CAB39L: variants seen among roughly 807,000 people sequenced by gnomAD.
CAB39L encodes calcium-binding protein 39-like.
In CAB39L, 23 loss-of-function variants were observed where a neutral mutation model predicts 39.1. The ratio of observed to expected loss-of-function variants is 0.59; its 90% CI spans 0.42 to 0.83. The LOEUF (loss-of-function observed/expected upper bound fraction) is 0.83, where lower values mean the gene tolerates loss of function less well. CAB39L is among the 40% of genes least tolerant of loss of function. The pLI is 0.00. For synonymous variants in CAB39L, 126 were observed against 137.2 expected, an observed-to-expected ratio of 0.92 and a Z score of 0.57; for missense variants, 366 against 391.9, an observed-to-expected ratio of 0.93 and a Z score of 0.56.
At chr13:49,432,489 G>T (rs1200277037) in intron 3 of CAB39L, among the ~76,000 whole-genome samples, 1 of 152,062 alleles carries the variant, frequency 6.6e-6, no homozygotes, top group Non-Finnish European at 1.5e-5. Flanking sequence ...AATCTCTATA[G>T]ATCTCTTTCA....
chr13:49,378,571 C>T (rs1408253960), intron 4 of CAB39L, among the ~76,000 whole-genome samples: 15 of 71,350 alleles, frequency 2.1e-4, no homozygotes, highest in Admixed American at 3.2e-4. Flanking sequence ...CCAGCCGCCC[C>T]GTCCGGGAGG....
chr13:49,341,840 A>T (rs1955017945), intron 8 of CAB39L, among the ~76,000 whole-genome samples: 1 of 152,172 alleles, frequency 6.6e-6, no homozygotes, highest in Non-Finnish European at 1.5e-5. Context: ...TATCTGATGT[A>T]CCCCATAAAC....
At chr13:49,407,362 T>C (rs1956901925) in intron 3 of CAB39L, among the ~76,000 whole-genome samples, 1 of 152,334 alleles carries the variant, frequency 6.6e-6, no homozygotes, top group African/African-American at 2.4e-5. Flanking sequence ...TTTGAATCCA[T>C]CTTGGCATAC....
intron 5 of CAB39L, among the ~76,000 whole-genome samples, chr13:49,360,923 T>C (rs1308070299): frequency 6.6e-6 from 1 of 152,192 alleles, no homozygotes; most frequent in Non-Finnish European, 1.5e-5. Context: ...ATTAAACCCC[T>C]TTCCTTTTTA....
rs191565572 is a variant in CAB39L, at chr13:49,409,350, G to A, written c.-32+23968C>T. Reference sequence around the variant, plus strand: ...TAGGATTATAAGAGGTTAGGAATGAGGTAATAGAGAAATGAACGTATATTA... The same window carrying A: ...TAGGATTATAAGAGGTTAGGAATGAAGTAATAGAGAAATGAACGTATATTA... On this transcript the variant is annotated intron_variant, in intron 3 of 10. Transcript: ENST00000409308. 3.9e-5 allele frequency among the ~76,000 whole-genome samples: 6 copies of A among 152,052 alleles called. No homozygotes were observed. In the East Asian group the frequency reaches 1.2e-3, roughly 29 times the overall value.
chr13:49,349,238 A>G (rs968869868), intron 7 of CAB39L, among the ~76,000 whole-genome samples: 12 of 152,266 alleles, frequency 7.9e-5, no homozygotes, highest in African/African-American at 2.9e-4. Flanking sequence ...CGATTGGAGT[A>G]TGTATTAATA....
intron 10 of CAB39L, among the ~76,000 whole-genome samples, chr13:49,329,541 AAAAATATATATATATATATATAT>A (rs1356908890): frequency 7.1e-4 from 26 of 36,496 alleles, no homozygotes; most frequent in African/African-American, 2.6e-3. Flanking sequence ...AATTAAAAAA[AAAAATATATATATATATATATAT>A]ATATATATAT....
At position 49,356,090 on chromosome 13, in the gene CAB39L, G is replaced by A. The variant is rs186731651; in HGVS notation, c.395+3624C>T. Among the ~76,000 whole-genome samples the A allele has an allele frequency of 2.5e-3, 381 of 152,218 alleles. 2 individuals are homozygous for A. The highest frequency in any genetic ancestry group is 5.2e-3 in the South Asian group (25 of 4,820). On this transcript the variant is annotated intron_variant, in intron 6 of 10. Coordinates refer to ENST00000409308, the MANE Select transcript of CAB39L (RefSeq NM_001079670.3). The stretch of plus-strand genomic sequence containing the variant: ...CGGAATCAGGCAATGTTCATCAATG[G>A]ATGGTAAAACAATTAAGTTTAAGGT...
rs569398263 is a variant in CAB39L, at chr13:49,311,688, A to G, written c.835-695T>C. Among the ~76,000 whole-genome samples the G allele has an allele frequency of 2.4e-4, 36 of 152,364 alleles. No individual in the cohort carries two copies. In the South Asian group the frequency reaches 5.0e-3, roughly 21 times the overall value. The stretch of plus-strand genomic sequence containing the variant: ...TTTATGTCTTAGTTTTTAACAAAGA[A>G]GTTTAAAAAGTAAAAAATAAAAAAC... On this transcript the variant is annotated intron_variant, in intron 10 of 10. Transcript: ENST00000409308.
intron 1 of CAB39L, among the ~76,000 whole-genome samples, chr13:49,437,403 C>T (rs1241519838): frequency 6.6e-6 from 1 of 152,134 alleles, no homozygotes; most frequent in Non-Finnish European, 1.5e-5. Flanking sequence ...GTGACCCTTC[C>T]AAGGCACCCT....
chr13:49,330,672 TA>T (rs1254268806), intron 10 of CAB39L, among the ~76,000 whole-genome samples: 4 of 149,956 alleles, frequency 2.7e-5, no homozygotes, highest in African/African-American at 9.7e-5. Context: ...GAAAAATATT[TA>T]TTTTTTTATT....
intron 3 of CAB39L, among the ~76,000 whole-genome samples, chr13:49,412,261 C>G (rs1375177401): frequency 6.6e-6 from 1 of 151,544 alleles, no homozygotes; most frequent in Non-Finnish European, 1.5e-5. Flanking sequence ...ATAAACAAAT[C>G]AGAATTTAAA....
chr13:49,313,264 G>A (rs1954048691), intron 10 of CAB39L, among the ~76,000 whole-genome samples: 2 of 152,070 alleles, frequency 1.3e-5, no homozygotes, highest in Admixed American at 6.6e-5. Flanking sequence ...GGCGGATCAC[G>A]AAGTCAGGAG....
Position 49,434,526 on chromosome 13 carries a change from G to A in CAB39L, c.-245-303C>T, listed in dbSNP as rs1389659103. 4.6e-5 allele frequency among the ~76,000 whole-genome samples: 7 copies of A among 151,688 alleles called. 1 individual carries two copies. In the South Asian group the frequency reaches 1.3e-3, roughly 27 times the overall value. On this transcript the variant is annotated intron_variant, in intron 1 of 10. Coordinates refer to ENST00000409308, the MANE Select transcript of CAB39L (RefSeq NM_001079670.3). ...GAATTTCCAGACTAAATTTTCTTAC[G>A]TTATAGCCTTGATAAATTTTATGGT...
At chr13:49,356,539 A>T (rs1413254097) in intron 6 of CAB39L, among the ~76,000 whole-genome samples, 1 of 152,194 alleles carries the variant, frequency 6.6e-6, no homozygotes, top group African/African-American at 2.4e-5. Flanking sequence ...ATATCCAGAT[A>T]ATTCTCTTTG....
At chr13:49,419,357 A>T (rs914692372) in intron 3 of CAB39L, among the ~76,000 whole-genome samples, 1 of 152,220 alleles carries the variant, frequency 6.6e-6, no homozygotes, top group African/African-American at 2.4e-5. Flanking sequence ...ATAAAGTTCT[A>T]TTCCACTAAA....
chr13:49,389,932 C>G (rs1195934153), intron 3 of CAB39L, among the ~76,000 whole-genome samples: 1 of 152,166 alleles, frequency 6.6e-6, no homozygotes, highest in East Asian at 1.9e-4. Flanking sequence ...AAGCAATCTT[C>G]CCACCTCAGC....
chr13:49,413,360 A>G (rs1369982884), intron 3 of CAB39L, among the ~76,000 whole-genome samples: 2 of 152,312 alleles, frequency 1.3e-5, no homozygotes, highest in East Asian at 1.9e-4. Context: ...CTAAAACAAC[A>G]TATTTCCTGA....
intron 3 of CAB39L, among the ~76,000 whole-genome samples, chr13:49,401,769 T>C (rs1566119607): frequency 6.6e-6 from 1 of 152,200 alleles, no homozygotes; most frequent in Non-Finnish European, 1.5e-5. Context: ...TGTTTAAAAA[T>C]GTAAATAAAG....
Sources: allele counts gnomAD v4.1 joint callset (sites outside exome capture counted in the v4.1 genomes callset), GRCh38; gene constraint gnomAD v4.1.1; transcripts MANE v1.5; gene names NCBI Gene and HGNC (gene_info 2026-07-23, HGNC 2026-07-21).